Variants in FSTL4 observed in about 807,000 individuals in gnomAD.
FSTL4 encodes follistatin like 4.
A neutral mutation model predicts 78.2 loss-of-function variants in FSTL4; 28 were observed. The ratio of observed to expected loss-of-function variants is 0.36; its 90% CI spans 0.27 to 0.49. The LOEUF is 0.49. FSTL4 is among the 20% of genes least tolerant of loss of function. The pLI is 0.98. For missense variants in FSTL4, 922 were observed against 1,084.9 expected, an observed-to-expected ratio of 0.85 and a Z score of 2.11; for synonymous variants, 422 against 440.5, an observed-to-expected ratio of 0.96 and a Z score of 0.53.
rs1346755990 is a variant in FSTL4 at position 133,465,736 on chromosome 5, A to G, written c.161-64750T>C. 2.6e-5 allele frequency among the ~76,000 whole-genome samples: 4 copies of G among 152,250 alleles called. No individual in the cohort carries two copies. The East Asian group carries it at 7.7e-4, about 29-fold the overall frequency. On this transcript the variant is annotated intron_variant, in intron 3 of 15. Coordinates refer to ENST00000265342, the MANE Select transcript of FSTL4 (RefSeq NM_015082.2). The stretch of plus-strand genomic sequence containing the variant: ...ACAGCTGCAGGTGGGCCTGGGTGAC[A>G]GCGACTGTGTGAGCCTGAACAGAGG...
chr5:133,623,985 G>T, the FSTL4 span, among the ~76,000 whole-genome samples: 1 of 151,956 alleles, frequency 6.6e-6, no homozygotes, highest in South Asian at 2.1e-4. Flanking sequence ...TGAATCACTG[G>T]AAGCCTCATA....
intron 7 of FSTL4, among the ~76,000 whole-genome samples, chr5:133,240,912 A>G (rs953486240): frequency 1.3e-5 from 2 of 152,154 alleles, no homozygotes; most frequent in Non-Finnish European, 2.9e-5. Context: ...AGGCTCTGGA[A>G]TGTCATGCCT....
intron 2 of FSTL4, among the ~76,000 whole-genome samples, chr5:133,572,052 A>C (rs1223321792): frequency 6.6e-6 from 1 of 152,222 alleles, no homozygotes; most frequent in Non-Finnish European, 1.5e-5. Context: ...GAATCTCCAC[A>C]AGCCCCAAGC....
intron 3 of FSTL4, among the ~76,000 whole-genome samples, chr5:133,480,341 T>C (rs1482128802): frequency 6.6e-6 from 1 of 152,236 alleles, no homozygotes; most frequent in Non-Finnish European, 1.5e-5. Context: ...ATAAGCCATA[T>C]GTAAATATTT....
At position 133,198,701 on chromosome 5, in the gene FSTL4, T is replaced by A. The variant is rs1175738317; in HGVS notation, c.*394A>T. ...TGGTCGGCCTCTGCTTCCGGGCCAC[T>A]CCGTCAGGGCAAAGTCTGGCTGGGT... On this transcript the variant is annotated 3_prime_UTR_variant, in exon 16 of 16. Coordinates refer to ENST00000265342, the MANE Select transcript of FSTL4 (RefSeq NM_015082.2). 6.2e-6 allele frequency: 1 copy of A among 161,880 alleles called. No homozygotes were observed. Among genetic ancestry groups the A allele is most frequent in the Non-Finnish European group, 1.3e-5 (1 of 74,586 alleles). 10.0% of individuals were successfully genotyped at this position (161,880 alleles called of 1,614,324 possible). A position where few individuals can be genotyped will look rare whatever the true frequency, so the allele number is the denominator to read the frequency against.
intron 4 of FSTL4, among the ~76,000 whole-genome samples, chr5:133,334,483 G>C (rs1226412418): frequency 6.6e-6 from 1 of 152,128 alleles, no homozygotes; most frequent in Admixed American, 6.5e-5. Flanking sequence ...ATAGAGCATG[G>C]TGTGGGGTGC....
At chr5:133,755,740 AC>A in the FSTL4 span, among the ~76,000 whole-genome samples, 1 of 152,164 alleles carries the variant, frequency 6.6e-6, no homozygotes, top group East Asian at 1.9e-4. Context: ...GGGAGCTGAG[AC>A]TCACCTTCCA....
chr5:133,265,279 A>G (rs1387223465), intron 6 of FSTL4, among the ~76,000 whole-genome samples: 1 of 151,686 alleles, frequency 6.6e-6, no homozygotes, highest in Non-Finnish European at 1.5e-5. Context: ...ACTGCCGGCC[A>G]CTCTCCAAAT....
the FSTL4 span, among the ~76,000 whole-genome samples, chr5:133,758,708 T>G: frequency 6.6e-6 from 1 of 152,242 alleles, no homozygotes; most frequent in African/African-American, 2.4e-5. Flanking sequence ...AAAATTTAGC[T>G]GTTTGAAATA....
chr5:133,493,284 C>A (rs35285753), intron 3 of FSTL4, among the ~76,000 whole-genome samples: 39,125 of 152,020 alleles, frequency 0.26, 5,278 homozygotes, highest in East Asian at 0.36. Flanking sequence ...TTTTTCCCAT[C>A]GGCATCCTGT....
chr5:133,403,466 G>A (rs1756284654), intron 3 of FSTL4, among the ~76,000 whole-genome samples: 2 of 152,328 alleles, frequency 1.3e-5, no homozygotes, highest in African/African-American at 2.4e-5. Context: ...TCCCACAGGT[G>A]CTAGGCCTTG....
chr5:133,597,477 A>T (rs919570260), intron 2 of FSTL4, among the ~76,000 whole-genome samples: 5 of 152,232 alleles, frequency 3.3e-5, no homozygotes, highest in Non-Finnish European at 7.3e-5. Flanking sequence ...GAGTATAGAT[A>T]ATTTAGCAAC....
chr5:133,641,164 G>A, the FSTL4 span, among the ~76,000 whole-genome samples: 11 of 151,930 alleles, frequency 7.2e-5, no homozygotes, highest in Non-Finnish European at 1.6e-4. Flanking sequence ...TATTCCTAAG[G>A]GCTCATGGGA....
chr5:133,505,205 TC>T, intron 3 of FSTL4, among the ~76,000 whole-genome samples: 1 of 152,092 alleles, frequency 6.6e-6, no homozygotes, highest in Non-Finnish European at 1.5e-5. Context: ...TGCCTTCCTC[TC>T]TCTCTCTATT....
At chr5:133,478,311 C>G (rs1363501340) in intron 3 of FSTL4, among the ~76,000 whole-genome samples, 1 of 152,176 alleles carries the variant, frequency 6.6e-6, no homozygotes, top group Non-Finnish European at 1.5e-5. Context: ...TACACACAAA[C>G]AGTTTAAAAA....
At chr5:133,300,749 A>G (rs772870593) in intron 6 of FSTL4, among the ~76,000 whole-genome samples, 8 of 152,174 alleles carry the variant, frequency 5.3e-5, no homozygotes, top group Non-Finnish European at 1.0e-4. Context: ...GACCAACACC[A>G]GGGCTGGAAG....
chr5:133,387,105 G>A (rs1428005133), intron 4 of FSTL4, among the ~76,000 whole-genome samples: 1 of 152,172 alleles, frequency 6.6e-6, no homozygotes, highest in Non-Finnish European at 1.5e-5. Flanking sequence ...GCTGCATGAA[G>A]TCTTTCCCTC....
At chr5:133,246,631 C>CA (rs1752045324) in intron 7 of FSTL4, 1 of 152,204 alleles carries the variant, frequency 6.6e-6, no homozygotes, top group African/African-American at 2.4e-5. Flanking sequence ...CTGACGTGGA[C>CA]AGTGAGACCT....
chr5:133,309,035 C>T (rs762302361), intron 6 of FSTL4, among the ~76,000 whole-genome samples: 12 of 152,314 alleles, frequency 7.9e-5, no homozygotes, highest in South Asian at 2.1e-4. Flanking sequence ...GTTTTAGCAA[C>T]GTGTTTTCCC....
Sources: gnomAD v4.1 joint callset for allele counts (sites outside exome capture counted in the v4.1 genomes callset) on GRCh38, gnomAD v4.1.1 for gene constraint, MANE v1.5 for transcripts, NCBI Gene and HGNC (gene_info 2026-07-23, HGNC 2026-07-21) for gene names.